The following PRKAR1B variants were observed in gnomAD, a reference collection of about 807,000 sequenced individuals.
PRKAR1B encodes the protein cAMP-dependent protein kinase type I-beta regulatory subunit.
Under a neutral mutation model 46.5 loss-of-function variants are expected in PRKAR1B, and 22 were observed. The ratio of observed to expected loss-of-function variants is 0.47; its 90% CI spans 0.34 to 0.68. The LOEUF (loss-of-function observed/expected upper bound fraction) is 0.68, where lower values mean the gene tolerates loss of function less well. PRKAR1B is among the 30% of genes least tolerant of loss of function. The probability of loss-of-function intolerance (pLI) is 0.01; values close to 1 mark genes in which losing one functional copy is unlikely to be tolerated. For missense variants in PRKAR1B, 445 were observed against 535.6 expected (o/e 0.83, Z 1.67); for synonymous variants, 259 against 217.7 (o/e 1.19, Z -1.67).
intron 6 of PRKAR1B, 52 bp downstream of exon 6, chr7:606,141 A>G: frequency 6.3e-7 from 1 of 1,588,120 alleles, no homozygotes. Context: ...AAGTCTTCAC[A>G]CCGGACATGC....
At chr7:562,533 C>T (rs558277452) in intron 9 of PRKAR1B, among the ~76,000 whole-genome samples, 12 of 152,316 alleles carry the variant, frequency 7.9e-5, no homozygotes, top group East Asian at 3.9e-4. Flanking sequence ...GCCTGGAACG[C>T]GTCCCTTCCA....
intron 4 of PRKAR1B, among the ~76,000 whole-genome samples, chr7:653,306 C>T (rs74380136): frequency 0.013 from 2,039 of 152,278 alleles, 36 homozygotes; most frequent in African/African-American, 0.046. Flanking sequence ...CCTTCAAAGA[C>T]CCAGGTTCTG....
At chr7:601,119 G>T (rs1206901185) in intron 6 of PRKAR1B, among the ~76,000 whole-genome samples, 1 of 152,208 alleles carries the variant, frequency 6.6e-6, no homozygotes, top group Admixed American at 6.5e-5. Flanking sequence ...GGTCCTTGAG[G>T]GGACGGCTTC....
rs1779844637 is a variant in PRKAR1B at position 576,509 on chromosome 7, C to T, written c.891+2747G>A. On this transcript the variant is annotated intron_variant, in intron 9 of 10. Transcript: ENST00000537384. ...TTTTAGGTTGGAGACAAGCATCATT[C>T]CTTCATGCATTCATTAATTCATTCA... Among the ~76,000 whole-genome samples the T allele has an allele frequency of 2.6e-5, 4 of 152,270 alleles. No homozygotes were observed. In the South Asian group the frequency reaches 8.3e-4, roughly 32 times the overall value.
At chr7:551,325 C>G (rs1330026564) in intron 10 of PRKAR1B, 64 bp downstream of exon 10, 2 of 1,483,956 alleles carry the variant, frequency 1.3e-6, no homozygotes, top group Non-Finnish European at 1.8e-6. Flanking sequence ...CCTCCAGGCC[C>G]CTCCCGAGAC....
chr7:709,638 G>T (rs1446079403), intron 2 of PRKAR1B, among the ~76,000 whole-genome samples: 1 of 152,110 alleles, frequency 6.6e-6, no homozygotes, highest in Non-Finnish European at 1.5e-5. Context: ...CCAAAGTGCT[G>T]GGATTACAGG....
At chr7:664,873 C>T (rs1785818198) in intron 4 of PRKAR1B, among the ~76,000 whole-genome samples, 1 of 152,136 alleles carries the variant, frequency 6.6e-6, no homozygotes. Flanking sequence ...AAGATCGTGC[C>T]ACTACACTCC....
intron 4 of PRKAR1B, among the ~76,000 whole-genome samples, chr7:617,575 C>T (rs1186301972): frequency 6.6e-6 from 1 of 152,200 alleles, no homozygotes; most frequent in Non-Finnish European, 1.5e-5. Flanking sequence ...AACATCAGGC[C>T]AGCTGGTCAA....
At position 591,421 on chromosome 7, in the gene PRKAR1B, G is replaced by A. The variant is rs146629003; in HGVS notation, c.708+4725C>T. Among the ~76,000 whole-genome samples, 337 of 151,984 alleles carry A rather than the reference G, an allele frequency of 2.2e-3. 1 individual carries two copies. Among genetic ancestry groups the A allele is most frequent in the Non-Finnish European group, 3.5e-3 (241 of 68,030 alleles). On this transcript the variant is annotated intron_variant, in intron 7 of 10. Coordinates refer to ENST00000537384, the MANE Select transcript of PRKAR1B (RefSeq NM_001164760.2). The stretch of plus-strand genomic sequence containing the variant: ...CCCACGGCACGGGGAGGGCGGGGGC[G>A]CTAGAAGTGGCTTCTTAACACCGGT...
At position 651,531 on chromosome 7, in the gene PRKAR1B, G is replaced by A. The variant is rs939246097; in HGVS notation, c.440+25698C>T. Among the ~76,000 whole-genome samples, 11 of 137,448 alleles carry A rather than the reference G, an allele frequency of 8.0e-5. No individual in the cohort carries two copies. In the South Asian group the frequency reaches 1.7e-3, roughly 21 times the overall value. The allele number at this position is 137,448 out of a possible 152,430, so 90.2% of individuals were successfully genotyped here. A position where few individuals can be genotyped will look rare whatever the true frequency, so the allele number is the denominator to read the frequency against. On this transcript the variant is annotated intron_variant, in intron 4 of 10. Transcript: ENST00000537384. ...CCCTGTCAGAAGACAGTTCACACCC[G>A]TGCAGCGCTAGGAACCTGGGAAACC... is the stretch of plus-strand genomic sequence containing the variant.
chr7:564,581 C>A (rs1180357792), intron 9 of PRKAR1B, among the ~76,000 whole-genome samples: 1 of 152,250 alleles, frequency 6.6e-6, no homozygotes, highest in African/African-American at 2.4e-5. Flanking sequence ...GCCACAGTGA[C>A]ACCTCTGTGC....
intron 2 of PRKAR1B, among the ~76,000 whole-genome samples, chr7:683,937 A>G (rs144356284): frequency 7.2e-5 from 11 of 152,252 alleles, no homozygotes; most frequent in Non-Finnish European, 1.3e-4. Flanking sequence ...ATGTGTGCCA[A>G]TGCCCACCTC....
In PRKAR1B at chr7:606,250, A is replaced by C; in HGVS notation, c.503-11T>G. On this transcript the variant is annotated splice_polypyrimidine_tract_variant and intron_variant, in intron 5 of 10. Transcript: ENST00000537384. ...TGTCTCCTTCATTCCCTGTAACAAA[A>C]GAAGAAAGTCAACAGATACAAAGTA... 2 of 1,612,962 alleles carry C rather than the reference A, an allele frequency of 1.2e-6. No homozygotes were observed. Among genetic ancestry groups the C allele is most frequent in the South Asian group, 2.2e-5 (2 of 90,930 alleles).
intron 6 of PRKAR1B, among the ~76,000 whole-genome samples, chr7:599,369 C>T (rs150420201): frequency 2.5e-3 from 387 of 152,034 alleles, no homozygotes; most frequent in Middle Eastern, 6.8e-3. Flanking sequence ...GCGATCTCGG[C>T]TCACCGCAAC....
At chr7:588,078 C>T (rs1323868632) in intron 7 of PRKAR1B, among the ~76,000 whole-genome samples, 1 of 152,204 alleles carries the variant, frequency 6.6e-6, no homozygotes, top group South Asian at 2.1e-4. Flanking sequence ...CCTCCCCACT[C>T]GCTCCCAAGC....
At chr7:653,117 C>A (rs1308296113) in intron 4 of PRKAR1B, among the ~76,000 whole-genome samples, 1 of 152,216 alleles carries the variant, frequency 6.6e-6, no homozygotes, top group Non-Finnish European at 1.5e-5. Context: ...CCTCTCCTGG[C>A]ATCACACTTG....
intron 9 of PRKAR1B, among the ~76,000 whole-genome samples, chr7:574,440 G>C (rs973886537): frequency 6.6e-6 from 1 of 151,606 alleles, no homozygotes; most frequent in African/African-American, 2.4e-5. Context: ...AGAATTAACA[G>C]ATCCAGATTT....
chr7:578,965 A>G (rs760926659), intron 9 of PRKAR1B: 5 of 1,187,532 alleles, frequency 4.2e-6, no homozygotes, highest in Non-Finnish European at 5.4e-6. Context: ...GACAGGCGTG[A>G]GCCGCCGCGC....
chr7:628,131 C>T lies in PRKAR1B; in HGVS notation c.441-20679G>A, dbSNP rs545090113. Among the ~76,000 whole-genome samples the T allele has an allele frequency of 2.5e-3, 380 of 152,312 alleles. 1 individual carries two copies. Among genetic ancestry groups the T allele is most frequent in the Middle Eastern group, 3.4e-3 (1 of 294 alleles). Reference sequence around the variant, plus strand: ...TCATAACCAGCCATCCACGGCCACGCGGCTTCCTGTGCTCAGCCACATCAG... The same window carrying T: ...TCATAACCAGCCATCCACGGCCACGTGGCTTCCTGTGCTCAGCCACATCAG... On this transcript the variant is annotated intron_variant, in intron 4 of 10. Transcript: ENST00000537384.
Sources: allele counts gnomAD v4.1 joint callset (sites outside exome capture counted in the v4.1 genomes callset), GRCh38; gene constraint gnomAD v4.1.1; transcripts MANE v1.5; gene names NCBI Gene and HGNC (gene_info 2026-07-23, HGNC 2026-07-21).